MYO16: variants seen among roughly 807,000 people sequenced by gnomAD.
MYO16 encodes unconventional myosin-XVI.
MYO16 carries 94 observed loss-of-function variants against 205.3 expected under a neutral mutation model. The ratio of observed to expected loss-of-function variants is 0.46; its 90% CI spans 0.39 to 0.54. The LOEUF is 0.54. MYO16 is among the 20% of genes least tolerant of loss of function. The probability of loss-of-function intolerance (pLI) is 0.00; values close to 1 mark genes in which losing one functional copy is unlikely to be tolerated. For synonymous variants in MYO16, 988 were observed against 954.0 expected (o/e 1.04, Z -0.66); for missense variants, 2,315 against 2,387.5 (o/e 0.97, Z 0.63).
At chr13:108,670,562 C>T (rs907814334) in intron 2 of MYO16, among the ~76,000 whole-genome samples, 1 of 152,008 alleles carries the variant, frequency 6.6e-6, no homozygotes, top group African/African-American at 2.4e-5. Context: ...AGGGAACATG[C>T]AAGTATGGGA....
At chr13:108,848,401 C>G (rs971056014) in intron 10 of MYO16, among the ~76,000 whole-genome samples, 4 of 152,194 alleles carry the variant, frequency 2.6e-5, no homozygotes, top group Non-Finnish European at 5.9e-5. Context: ...TTCACCTGCA[C>G]TATCTTAATC....
the MYO16 span, among the ~76,000 whole-genome samples, chr13:108,536,747 G>A: frequency 6.6e-6 from 1 of 152,170 alleles, no homozygotes; most frequent in East Asian, 1.9e-4. Flanking sequence ...TTCTGTGTGA[G>A]AAATAAGATA....
upstream of MYO16, among the ~76,000 whole-genome samples, chr13:108,595,102 C>G (rs1566496315): frequency 6.6e-6 from 1 of 152,130 alleles, no homozygotes; most frequent in South Asian, 2.1e-4. Context: ...TCTCTGAACT[C>G]TAAAGTGAAA....
At chr13:108,960,390 A>G (rs1883537843) in intron 17 of MYO16, among the ~76,000 whole-genome samples, 1 of 152,160 alleles carries the variant, frequency 6.6e-6, no homozygotes, top group African/African-American at 2.4e-5. Flanking sequence ...CAAATTTATG[A>G]TTTAGGGGTT....
the MYO16 span, among the ~76,000 whole-genome samples, chr13:108,582,920 G>C: frequency 5.3e-5 from 8 of 152,220 alleles, no homozygotes; most frequent in Admixed American, 2.0e-4. Flanking sequence ...CCCCAAATTG[G>C]AGTTATGAAT....
chr13:109,207,093 C>T lies in MYO16; in HGVS notation c.*257C>T, dbSNP rs1006762278. On this transcript the variant is annotated 3_prime_UTR_variant, in exon 35 of 35. Coordinates refer to ENST00000457511, the MANE Select transcript of MYO16 (RefSeq NM_001198950.3). The stretch of plus-strand genomic sequence containing the variant: ...CTCCTCATTTACGGCTCTGTGCTAC[C>T]CCTAGGTAGCAAGAGAGAGGCTGGG... 3.6e-5 allele frequency: 16 copies of T among 441,286 alleles called. No homozygotes were observed. The highest frequency in any genetic ancestry group is 6.6e-5 in the Non-Finnish European group (16 of 243,074). 27.3% of individuals were successfully genotyped at this position (441,286 alleles called of 1,614,324 possible). A position where few individuals can be genotyped will look rare whatever the true frequency, so the allele number is the denominator to read the frequency against.
chr13:109,022,638 T>TATAAACATATGTATATATATTATATATAC (rs1566466557), intron 23 of MYO16, among the ~76,000 whole-genome samples: 13 of 127,604 alleles, frequency 1.0e-4, no homozygotes, highest in African/African-American at 3.0e-4. Context: ...ATTATATATA[T>TATAAACATATGTATATATATTATATATAC]GCATATAAAC....
At chr13:109,053,117 G>A (rs1887301282) in intron 25 of MYO16, among the ~76,000 whole-genome samples, 1 of 151,980 alleles carries the variant, frequency 6.6e-6, no homozygotes, top group African/African-American at 2.4e-5. Context: ...AGTGCCAGAT[G>A]GTATTCCAGA....
chr13:109,004,676 G>A (rs186822767), intron 21 of MYO16, among the ~76,000 whole-genome samples: 1 of 152,242 alleles, frequency 6.6e-6, no homozygotes, highest in African/African-American at 2.4e-5. Flanking sequence ...CATAGAAACT[G>A]ATCATGAAGA....
chr13:108,933,431 G>T (rs1882346101), intron 16 of MYO16, among the ~76,000 whole-genome samples: 1 of 152,014 alleles, frequency 6.6e-6, no homozygotes, highest in African/African-American at 2.4e-5. Flanking sequence ...TAAGTCCAGA[G>T]TATACAGTGG....
intron 1 of MYO16, among the ~76,000 whole-genome samples, chr13:108,605,066 G>T (rs1305173306): frequency 6.6e-6 from 1 of 152,158 alleles, no homozygotes; most frequent in African/African-American, 2.4e-5. Flanking sequence ...TATCGGTAGT[G>T]GCAATGGGTT....
chr13:109,141,093 G>A lies in MYO16; in HGVS notation c.4881G>A (p.Gly1627=). ...CGGAGCCCGCCCCGGTGAACGCGGG[G>A]AAAGCGGGGCCGAGCGCAGAGGCGC... The part of the protein sequence containing the change: ...FPPEPAPVNA[G]KAGPSAEAPK... Residue 1627 remains glycine (G), a synonymous_variant, in exon 32 of 35, where the codon GGG becomes GGA. Coordinates refer to ENST00000457511, the MANE Select transcript of MYO16 (RefSeq NM_001198950.3). This position sits in a 1 kb window ranked among gnomAD's most constrained non-coding sequence, Gnocchi z 4.1. 1.0e-5 allele frequency: 15 copies of A among 1,492,154 alleles called. No individual in the cohort carries two copies. The highest frequency in any genetic ancestry group is 1.3e-5 in the Non-Finnish European group (15 of 1,124,306). 92.4% of individuals were successfully genotyped at this position (1,492,154 alleles called of 1,614,324 possible). A position where few individuals can be genotyped will look rare whatever the true frequency, so the allele number is the denominator to read the frequency against.
At chr13:108,704,015 C>A (rs532481749) in intron 2 of MYO16, among the ~76,000 whole-genome samples, 2 of 152,276 alleles carry the variant, frequency 1.3e-5, no homozygotes, top group Admixed American at 1.3e-4. Flanking sequence ...CATGTGAGGA[C>A]ACAGTGATGA....
chr13:109,043,945 G>T (rs1030661104), intron 23 of MYO16, among the ~76,000 whole-genome samples: 4 of 152,160 alleles, frequency 2.6e-5, no homozygotes, highest in African/African-American at 9.7e-5. Context: ...GAGGCAAAAA[G>T]ATTTCTAACA....
intron 27 of MYO16, among the ~76,000 whole-genome samples, chr13:109,080,953 G>A (rs1888263035): frequency 1.3e-5 from 2 of 152,008 alleles, no homozygotes; most frequent in Admixed American, 1.3e-4. Context: ...CAATTTCAGT[G>A]ATCAGAGAAA....
intron 2 of MYO16, among the ~76,000 whole-genome samples, chr13:108,672,463 C>A (rs923140937): frequency 1.3e-5 from 2 of 151,854 alleles, no homozygotes; most frequent in Non-Finnish European, 2.9e-5. Flanking sequence ...TTTCAAAGGA[C>A]AATATGTCTG....
At chr13:108,915,790 A>G (rs1172295688) in intron 16 of MYO16, among the ~76,000 whole-genome samples, 1 of 152,202 alleles carries the variant, frequency 6.6e-6, no homozygotes, top group Non-Finnish European at 1.5e-5. Context: ...AGTAAAGGTC[A>G]AATTTTGAAT....
At chr13:108,831,280 G>T (rs1439914720) in intron 9 of MYO16, among the ~76,000 whole-genome samples, 2 of 152,136 alleles carry the variant, frequency 1.3e-5, no homozygotes, top group African/African-American at 4.8e-5. Flanking sequence ...TAAAATGCAA[G>T]AAATGCAGCT....
chr13:109,147,268 C>G (rs2139822520), intron 32 of MYO16, among the ~76,000 whole-genome samples: 1 of 152,222 alleles, frequency 6.6e-6, no homozygotes, highest in African/African-American at 2.4e-5. Context: ...AAGTCAATAT[C>G]ATATGGGTTT....
Sources: allele counts gnomAD v4.1 joint callset (sites outside exome capture counted in the v4.1 genomes callset), GRCh38; gene constraint gnomAD v4.1.1; non-coding constraint Gnocchi (gnomAD v3.1); transcripts MANE v1.5; gene names NCBI Gene and HGNC (gene_info 2026-07-23, HGNC 2026-07-21).